FRMD6: variants seen among roughly 807,000 people sequenced by gnomAD.
FRMD6 encodes FERM domain containing 6.
In FRMD6, 37 loss-of-function variants were observed where a neutral mutation model predicts 73.2. The ratio of observed to expected loss-of-function variants is 0.51; its 90% CI spans 0.39 to 0.66. FRMD6 has a LOEUF of 0.66. FRMD6 is among the 30% of genes least tolerant of loss of function. FRMD6 has a pLI of 0.00. For synonymous variants in FRMD6, 273 were observed against 282.2 expected, an observed-to-expected ratio of 0.97 and a Z score of 0.33; for missense variants, 714 against 780.5, an observed-to-expected ratio of 0.91 and a Z score of 1.02.
rs137902138 is a variant in FRMD6 at position 51,729,563 on chromosome 14, A to G, written c.*1534A>G. 46 of 152,758 alleles carry G rather than the reference A, an allele frequency of 3.0e-4. No individual in the cohort carries two copies. Among genetic ancestry groups the G allele is most frequent in the African/African-American group, 1.0e-3 (43 of 41,572 alleles). 9.5% of individuals were successfully genotyped at this position (152,758 alleles called of 1,614,324 possible). A position where few individuals can be genotyped will look rare whatever the true frequency, so the allele number is the denominator to read the frequency against. On this transcript the variant is annotated 3_prime_UTR_variant, in exon 14 of 14. Coordinates refer to ENST00000344768, the MANE Select transcript of FRMD6 (RefSeq NM_001267046.2). ...ACATTTGTTTACCATATTTTGATAT[A>G]CCATTTTTTTCTATCTGCCCAGTTT...
chr14:51,706,809 G>T (rs1896649292), intron 6 of FRMD6, among the ~76,000 whole-genome samples: 1 of 152,066 alleles, frequency 6.6e-6, no homozygotes, highest in Non-Finnish European at 1.5e-5. Context: ...TGAAAGACGG[G>T]CATAACCTTA....
chr14:51,641,127 A>G (rs1348365614), intron 2 of FRMD6, among the ~76,000 whole-genome samples: 1 of 151,800 alleles, frequency 6.6e-6, no homozygotes, highest in African/African-American at 2.4e-5. Flanking sequence ...ATGCCACCAC[A>G]CCCTGCTAAT....
intron 2 of FRMD6, among the ~76,000 whole-genome samples, chr14:51,574,581 C>T (rs977293011): frequency 1.5e-4 from 23 of 152,168 alleles, no homozygotes; most frequent in African/African-American, 5.5e-4. Context: ...AGACAAACTT[C>T]ACATGTCCTC....
upstream of FRMD6, among the ~76,000 whole-genome samples, chr14:51,486,607 T>G (rs1233183555): frequency 6.6e-6 from 1 of 152,244 alleles, no homozygotes; most frequent in African/African-American, 2.4e-5. Flanking sequence ...ATTTCATACT[T>G]GTATCTTCGT....
intron 7 of FRMD6, among the ~76,000 whole-genome samples, chr14:51,710,575 C>T (rs2140514609): frequency 6.6e-6 from 1 of 152,212 alleles, no homozygotes; most frequent in Non-Finnish European, 1.5e-5. Context: ...TGGAAAGAAA[C>T]AGCCTAAATA....
intron 1 of FRMD6, among the ~76,000 whole-genome samples, chr14:51,495,684 A>G (rs368604166): frequency 6.6e-6 from 1 of 152,316 alleles, no homozygotes; most frequent in African/African-American, 2.4e-5. Context: ...ACACTGAGCC[A>G]GCTAACAGCA....
intron 1 of FRMD6, among the ~76,000 whole-genome samples, chr14:51,519,891 G>T (rs1396253893): frequency 6.6e-6 from 1 of 152,146 alleles, no homozygotes; most frequent in African/African-American, 2.4e-5. Flanking sequence ...TGGGCAATAT[G>T]ATTTGATTTG....
chr14:51,560,350 G>A (rs1176310323), intron 1 of FRMD6, among the ~76,000 whole-genome samples: 1 of 152,162 alleles, frequency 6.6e-6, no homozygotes, highest in African/African-American at 2.4e-5. Flanking sequence ...ACCCTGAATG[G>A]AGTAGTAATA....
chr14:51,675,572 T>C (rs955898142), intron 1 of FRMD6, among the ~76,000 whole-genome samples: 3 of 152,212 alleles, frequency 2.0e-5, no homozygotes, highest in African/African-American at 4.8e-5. Context: ...TTTTTAAGTT[T>C]ATTTAGCAAC....
At chr14:51,654,415 G>A (rs1232878316) in intron 1 of FRMD6, among the ~76,000 whole-genome samples, 1 of 151,970 alleles carries the variant, frequency 6.6e-6, no homozygotes, top group East Asian at 1.9e-4. Context: ...AGCCTTTTGT[G>A]GCAGATGCTT....
At chr14:51,415,290 G>A in the FRMD6 span, among the ~76,000 whole-genome samples, 1 of 152,186 alleles carries the variant, frequency 6.6e-6, no homozygotes, top group East Asian at 1.9e-4. Context: ...TTGGCTGTGG[G>A]TTTGTAATAA....
chr14:51,511,238 C>T (rs1884291702), intron 1 of FRMD6, among the ~76,000 whole-genome samples: 1 of 152,090 alleles, frequency 6.6e-6, no homozygotes, highest in African/African-American at 2.4e-5. Context: ...TACTTGTAAC[C>T]TTGGCAGCAG....
intron 1 of FRMD6, among the ~76,000 whole-genome samples, chr14:51,562,870 T>C (rs1384903643): frequency 1.3e-5 from 2 of 152,242 alleles, no homozygotes; most frequent in East Asian, 3.8e-4. Flanking sequence ...CTCTTGGATA[T>C]AGAATTCTCT....
upstream of FRMD6, among the ~76,000 whole-genome samples, chr14:51,649,299 A>T (rs1013957600): frequency 3.9e-5 from 6 of 152,228 alleles, no homozygotes; most frequent in African/African-American, 1.4e-4. Context: ...TATCACTATG[A>T]TTCAGAAAAT....
rs182764065 is a variant in FRMD6, at chr14:51,543,732, C to T, written c.-209-26616C>T. Among the ~76,000 whole-genome samples, 19 of 152,044 alleles carry T rather than the reference C, an allele frequency of 1.2e-4. No individual in the cohort carries two copies. In the East Asian group the frequency reaches 1.3e-3, roughly 11 times the overall value. On this transcript the variant is annotated intron_variant, in intron 1 of 14. Transcript: ENST00000356218. The stretch of plus-strand genomic sequence containing the variant: ...TGTGAGATCACAAAAGAAAGAATTG[C>T]GAACTGTATTCTTTTGGTGATGGGA...
intron 13 of FRMD6, 139 bp from the exon 14 acceptor site, chr14:51,727,606 C>A (rs1898048173): frequency 2.7e-6 from 2 of 731,058 alleles, no homozygotes; most frequent in Non-Finnish European, 4.5e-6. Flanking sequence ...CCCATACAGC[C>A]CAGAAACCAC....
chr14:51,494,518 C>T (rs1414114519), intron 1 of FRMD6, among the ~76,000 whole-genome samples: 11 of 152,248 alleles, frequency 7.2e-5, no homozygotes, highest in Admixed American at 7.2e-4. Context: ...ACTCTGCCTT[C>T]TGGATCCACT....
intron 1 of FRMD6, among the ~76,000 whole-genome samples, chr14:51,566,368 A>G (rs1307347300): frequency 2.0e-5 from 3 of 152,194 alleles, no homozygotes; most frequent in Non-Finnish European, 2.9e-5. Context: ...ACCCATACAG[A>G]TGTGTCTGGC....
intron 9 of FRMD6, chr14:51,714,392 T>C (rs1241470790): frequency 6.6e-6 from 1 of 152,150 alleles, no homozygotes; most frequent in Non-Finnish European, 1.5e-5. Context: ...CCTTAAGGTG[T>C]GTAGTTAGAA....
Sources: allele counts gnomAD v4.1 joint callset (sites outside exome capture counted in the v4.1 genomes callset), GRCh38; gene constraint gnomAD v4.1.1; transcripts MANE v1.5; gene names NCBI Gene and HGNC (gene_info 2026-07-23, HGNC 2026-07-21).